Variants in PRSS23 observed in about 807,000 individuals in gnomAD.
The protein encoded by PRSS23 is protease, serine 23.
PRSS23 carries 25 observed loss-of-function variants against 34.7 expected under a neutral mutation model. That is an observed-to-expected ratio of 0.72 (90% CI 0.53 to 1.01). The LOEUF is 1.01. PRSS23 is among the 50% of genes least tolerant of loss of function. The pLI is 0.00. For missense variants in PRSS23, 445 were observed against 475.6 expected, an observed-to-expected ratio of 0.94 and a Z score of 0.60; for synonymous variants, 176 against 186.6, an observed-to-expected ratio of 0.94 and a Z score of 0.46.
intron 2 of PRSS23, among the ~76,000 whole-genome samples, chr11:86,825,263 C>A (rs976502648): frequency 3.3e-5 from 5 of 151,952 alleles, no homozygotes; most frequent in African/African-American, 1.2e-4. Flanking sequence ...TGTCTTTTGG[C>A]TGCATAAATG....
At chr11:86,861,926 A>T (rs1948618456) in intron 2 of PRSS23, among the ~76,000 whole-genome samples, 1 of 151,842 alleles carries the variant, frequency 6.6e-6, no homozygotes, top group African/African-American at 2.4e-5. Context: ...GGAGAGGATG[A>T]TATTACTTCC....
chr11:86,793,155 C>T (rs1211700188), intron 1 of PRSS23, among the ~76,000 whole-genome samples: 2 of 152,112 alleles, frequency 1.3e-5, no homozygotes, highest in Non-Finnish European at 2.9e-5. Context: ...AAAAGGATTC[C>T]GTGGTCAAAT....
chr11:86,943,010 C>T (rs950793489), intron 2 of PRSS23, among the ~76,000 whole-genome samples: 1 of 152,172 alleles, frequency 6.6e-6, no homozygotes, highest in Non-Finnish European at 1.5e-5. Flanking sequence ...CATGTGAAAG[C>T]TAAAATGGGA....
At chr11:86,913,964 G>C (rs574118660) in intron 2 of PRSS23, among the ~76,000 whole-genome samples, 2 of 148,410 alleles carry the variant, frequency 1.3e-5, no homozygotes, top group East Asian at 3.9e-4. Context: ...AAATGTTTTC[G>C]GAGGCTGAGG....
chr11:86,861,845 G>A (rs1948617983), intron 2 of PRSS23, among the ~76,000 whole-genome samples: 1 of 151,970 alleles, frequency 6.6e-6, no homozygotes, highest in Non-Finnish European at 1.5e-5. Flanking sequence ...CAGAGTGGGA[G>A]AGGATGATAT....
Position 86,845,858 on chromosome 11 carries a change from A to T in PRSS23, c.206+22265A>T, listed in dbSNP as rs186564368. 6.4e-4 allele frequency among the ~76,000 whole-genome samples: 97 copies of T among 152,268 alleles called. 3 individuals are homozygous for T. The South Asian group carries it at 0.014, about 22-fold the overall frequency. On this transcript the variant is annotated intron_variant, in intron 2 of 2. Coordinates refer to the PRSS23 transcript ENST00000533902. ...TCTATGCTCCCAATTCCAATTTCTT[A>T]TAAAAGTACTTTGTAAGGTCCTGTA...
In PRSS23 at chr11:86,894,240, C is replaced by T. The variant is rs1252168352; in HGVS notation, c.207-56976C>T. 2.6e-5 allele frequency among the ~76,000 whole-genome samples: 4 copies of T among 152,288 alleles called. No individual in the cohort carries two copies. In the East Asian group the frequency reaches 5.8e-4, roughly 22 times the overall value. ...GTCCAAGCTGGTCTCAAACTCCTGACCTCAAGTGATCTGCCCGCCTTGGCC... is the reference window on the plus strand; with the variant it reads ...GTCCAAGCTGGTCTCAAACTCCTGATCTCAAGTGATCTGCCCGCCTTGGCC... On this transcript the variant is annotated intron_variant, in intron 2 of 2. Transcript: ENST00000533902.
chr11:86,806,844 G>A (rs1326238822), intron 1 of PRSS23, among the ~76,000 whole-genome samples: 1 of 152,160 alleles, frequency 6.6e-6, no homozygotes, highest in African/African-American at 2.4e-5. Flanking sequence ...GTAACCAATG[G>A]TAACAGTTCA....
chr11:86,880,744 C>G (rs532492224), intron 2 of PRSS23, among the ~76,000 whole-genome samples: 22 of 152,250 alleles, frequency 1.4e-4, no homozygotes, highest in African/African-American at 5.1e-4. Flanking sequence ...GAACATGCAG[C>G]ATTTGGTTTT....
intron 2 of PRSS23, among the ~76,000 whole-genome samples, chr11:86,858,514 G>T (rs1409312103): frequency 1.3e-5 from 2 of 151,670 alleles, no homozygotes; most frequent in African/African-American, 4.9e-5. Context: ...CTATGATATT[G>T]TTCCTAATAT....
intron 1 of PRSS23, among the ~76,000 whole-genome samples, chr11:86,805,895 G>C (rs999211271): frequency 1.3e-5 from 2 of 152,184 alleles, no homozygotes; most frequent in Non-Finnish European, 2.9e-5. Context: ...CCTAACTTCT[G>C]CTGTGTTCCC....
chr11:86,821,150 CT>C, intron 1 of PRSS23: 1 of 627,676 alleles, frequency 1.6e-6, no homozygotes, highest in Non-Finnish European at 2.4e-6. Context: ...TCATGCTTCA[CT>C]TTCCCCAGAA....
chr11:86,867,364 A>T (rs1158676897), intron 2 of PRSS23, among the ~76,000 whole-genome samples: 1 of 152,180 alleles, frequency 6.6e-6, no homozygotes, highest in Non-Finnish European at 1.5e-5. Flanking sequence ...GCTGATTTCC[A>T]TGGGAACTGT....
At chr11:86,913,840 G>A (rs899892365) in intron 2 of PRSS23, among the ~76,000 whole-genome samples, 1 of 151,446 alleles carries the variant, frequency 6.6e-6, no homozygotes, top group Non-Finnish European at 1.5e-5. Context: ...AGAAGAGGCA[G>A]GGAGTGATAG....
intron 2 of PRSS23, among the ~76,000 whole-genome samples, chr11:86,834,884 T>C (rs773667899): frequency 6.6e-6 from 1 of 152,232 alleles, no homozygotes; most frequent in Non-Finnish European, 1.5e-5. Flanking sequence ...AGGGGATTAC[T>C]TTCAAGTATT....
chr11:86,928,708 T>A (rs1371322576), intron 2 of PRSS23, among the ~76,000 whole-genome samples: 2 of 18,850 alleles, frequency 1.1e-4, no homozygotes, highest in Non-Finnish European at 3.3e-4. Context: ...AAAAAAAAAT[T>A]GGCAAGACAT....
At chr11:86,878,233 C>CCTCTCCCTCTCCCTCATCTCCGT (rs1948738927) in intron 2 of PRSS23, among the ~76,000 whole-genome samples, 1 of 84,866 alleles carries the variant, frequency 1.2e-5, no homozygotes, top group South Asian at 4.7e-4. Context: ...TACCCCTCCC[C>CCTCTCCCTCTCCCTCATCTCCGT]CTCCCTCTCC....
intron 2 of PRSS23, among the ~76,000 whole-genome samples, chr11:86,868,613 A>G (rs1948665881): frequency 6.6e-6 from 1 of 152,102 alleles, no homozygotes. Context: ...CTTGAGCACC[A>G]TCTAATTTAG....
chr11:86,857,467 C>T, intron 2 of PRSS23: 1 of 391,214 alleles, frequency 2.6e-6, no homozygotes, highest in Non-Finnish European at 5.0e-6. Flanking sequence ...AGATGGGTCA[C>T]AGAAAAAAAA....
Sources: allele counts gnomAD v4.1 joint callset (sites outside exome capture counted in the v4.1 genomes callset), GRCh38; gene constraint gnomAD v4.1.1; transcripts MANE v1.5; gene names NCBI Gene and HGNC (gene_info 2026-07-23, HGNC 2026-07-21).